PCDHA10: variants seen among roughly 807,000 people sequenced by gnomAD.
The protein encoded by PCDHA10 is protocadherin alpha-10.
A neutral mutation model predicts 61.2 loss-of-function variants in PCDHA10; 45 were observed. The ratio of observed to expected loss-of-function variants is 0.74; its 90% confidence interval spans 0.58 to 0.94. The LOEUF (loss-of-function observed/expected upper bound fraction) is 0.94, where lower values mean the gene tolerates loss of function less well. PCDHA10 is among the 40% of genes least tolerant of loss of function. The pLI, the probability that PCDHA10 is intolerant of heterozygous loss-of-function variation, is 0.00. For synonymous variants in PCDHA10, 602 were observed against 548.8 expected (o/e 1.10, Z -1.35); for missense variants, 1,278 against 1,236.2 (o/e 1.03, Z -0.51).
rs185115696 is a variant in PCDHA10, at chr5:140,899,982, A to G, written c.2388+41546A>G. Among the ~76,000 whole-genome samples the G allele has an allele frequency of 7.7e-3, 1,166 of 150,716 alleles. 5 individuals carry two copies. The highest frequency in any genetic ancestry group is 0.018 in the African/African-American group (738 of 41,016). On this transcript the variant is annotated intron_variant, in intron 1 of 3. Coordinates refer to ENST00000307360, the MANE Select transcript of PCDHA10 (RefSeq NM_018901.4). Reference sequence around the variant, plus strand: ...GCTGCCATGCCCAGCTACTTTTTTGATTTTTTTTGTAGAGATGAGGTCTCA... The same window carrying G: ...GCTGCCATGCCCAGCTACTTTTTTGGTTTTTTTTGTAGAGATGAGGTCTCA...
intron 1 of PCDHA10, chr5:140,928,999 G>C: frequency 1.2e-6 from 2 of 1,613,936 alleles, no homozygotes; most frequent in Non-Finnish European, 1.7e-6. Context: ...ACTTTTCTTC[G>C]TGTGTACCAA....
chr5:140,885,096 A>G (rs2060465078), intron 1 of PCDHA10, among the ~76,000 whole-genome samples: 1 of 152,160 alleles, frequency 6.6e-6, no homozygotes, highest in Non-Finnish European at 1.5e-5. Flanking sequence ...AACTTTTCAC[A>G]TAAATGCTTT....
At chr5:140,892,086 C>T (rs965682257) in intron 1 of PCDHA10, among the ~76,000 whole-genome samples, 1 of 152,156 alleles carries the variant, frequency 6.6e-6, no homozygotes, top group Non-Finnish European at 1.5e-5. Context: ...CTAGTTTCCT[C>T]TCGAAACTTT....
At chr5:140,922,385 C>A (rs1267053151) in intron 1 of PCDHA10, among the ~76,000 whole-genome samples, 5 of 152,156 alleles carry the variant, frequency 3.3e-5, no homozygotes, top group Non-Finnish European at 7.4e-5. Context: ...AAACCAAAGA[C>A]TCCTTGTTTT....
intron 1 of PCDHA10, among the ~76,000 whole-genome samples, chr5:140,962,147 T>C (rs2095660496): frequency 1.3e-5 from 2 of 152,176 alleles, no homozygotes; most frequent in South Asian, 4.1e-4. Context: ...AGTGCTGGGA[T>C]TACAGGCGTG....
At chr5:140,884,977 A>C (rs782168505) in intron 1 of PCDHA10, among the ~76,000 whole-genome samples, 19 of 152,222 alleles carry the variant, frequency 1.2e-4, no homozygotes, top group Admixed American at 5.2e-4. Context: ...GAGAACTTAA[A>C]CATTTAGAAA....
chr5:140,936,941 T>C (rs547536853), intron 1 of PCDHA10, among the ~76,000 whole-genome samples: 14 of 152,342 alleles, frequency 9.2e-5, no homozygotes, highest in Non-Finnish European at 1.3e-4. Flanking sequence ...GAAAATATCT[T>C]ATTTTGATCT....
intron 1 of PCDHA10, chr5:140,967,795 G>A (rs1399903836): frequency 3.1e-6 from 5 of 1,614,068 alleles, no homozygotes; most frequent in Non-Finnish European, 1.7e-6. Context: ...GGGGTCCAGT[G>A]CCCATGGCAG....
At chr5:140,926,584 C>A in intron 1 of PCDHA10, 1 of 285,402 alleles carries the variant, frequency 3.5e-6, no homozygotes, top group Non-Finnish European at 6.4e-6. Context: ...GCACCTCTCG[C>A]GCCCGGGCGG....
chr5:140,902,724 C>T (rs1463381369), intron 1 of PCDHA10, among the ~76,000 whole-genome samples: 6 of 148,640 alleles, frequency 4.0e-5, no homozygotes, highest in Admixed American at 3.3e-4. Context: ...TCCCACCCTT[C>T]CCTCCAAGTC....
chr5:140,982,967 T>C (rs1395576199), intron 3 of PCDHA10, among the ~76,000 whole-genome samples: 1 of 150,996 alleles, frequency 6.6e-6, no homozygotes, highest in Non-Finnish European at 1.5e-5. Flanking sequence ...CCACCCAAAG[T>C]AGTAAGGAAA....
chr5:140,857,552 T>G lies in PCDHA10; in HGVS notation c.1504T>G (p.Ser502Ala), dbSNP rs782203645. 82 of 1,596,700 alleles carry G rather than the reference T, an allele frequency of 5.1e-5. 3 individuals carry two copies. The Middle Eastern group carries it at 9.6e-4, about 19-fold the overall frequency. ...GGTGGAGCGGCGGTTGGGCGAGCGC[T>G]CGCTGTCGAGCTACGTGTCGGTGCA... ...SLVERRLGER[S>A]LSSYVSVHAE... The change falls in exon 1 of 4, where the codon TCG becomes GCG. Residue 502 changes from serine (S) to alanine (A), a missense_variant. Physicochemically the swap from Ser to Ala is moderately conservative, Grantham distance 99. Transcript: ENST00000307360.
intron 1 of PCDHA10, chr5:140,884,056 G>C (rs782776341): frequency 6.2e-7 from 1 of 1,613,476 alleles, no homozygotes; most frequent in African/African-American, 1.3e-5. Context: ...AGGTGCGCGC[G>C]GTGGACGCCG....
rs150518215 is a variant in PCDHA10, at chr5:140,883,444, T to G, written c.2388+25008T>G. On this transcript the variant is annotated intron_variant, in intron 1 of 3. Transcript: ENST00000307360. ...AGGTCACCTGCACCTTGACGCCGCATGTCCCCTTCAAGCTGGTGTCCACCT... is the reference window on the plus strand; with the variant it reads ...AGGTCACCTGCACCTTGACGCCGCAGGTCCCCTTCAAGCTGGTGTCCACCT... The G allele has an allele frequency of 2.5e-6, 4 of 1,614,052 alleles. No individual in the cohort carries two copies. In the African/African-American group the frequency reaches 4.0e-5, roughly 16 times the overall value.
intron 1 of PCDHA10, among the ~76,000 whole-genome samples, chr5:140,912,002 A>T (rs1452427916): frequency 6.6e-6 from 1 of 152,236 alleles, no homozygotes; most frequent in Non-Finnish European, 1.5e-5. Flanking sequence ...ACAATAGGCC[A>T]TCTGCAAGCT....
chr5:140,953,074 C>T (rs929530454), intron 1 of PCDHA10, among the ~76,000 whole-genome samples: 1 of 152,204 alleles, frequency 6.6e-6, no homozygotes, highest in Non-Finnish European at 1.5e-5. Flanking sequence ...CCATCTCCAA[C>T]ATTGGGGATT....
chr5:140,883,557 G>C, intron 1 of PCDHA10: 1 of 1,614,214 alleles, frequency 6.2e-7, no homozygotes, highest in Non-Finnish European at 8.5e-7. Flanking sequence ...GCGCGGGACG[G>C]GGGCTCGCCT....
chr5:140,953,842 T>A (rs1369287853), intron 1 of PCDHA10, among the ~76,000 whole-genome samples: 2 of 152,214 alleles, frequency 1.3e-5, no homozygotes, highest in Non-Finnish European at 2.9e-5. Flanking sequence ...GTTACCCAGG[T>A]AAACATGTGC....
intron 1 of PCDHA10, among the ~76,000 whole-genome samples, chr5:140,874,298 G>T (rs887601408): frequency 1.3e-5 from 2 of 152,114 alleles, no homozygotes; most frequent in African/African-American, 2.4e-5. Context: ...ATGTGTACTT[G>T]TTCACAATGA....
Sources: allele counts gnomAD v4.1 joint callset (sites outside exome capture counted in the v4.1 genomes callset), GRCh38; gene constraint gnomAD v4.1.1; transcripts MANE v1.5; gene names NCBI Gene and HGNC (gene_info 2026-07-23, HGNC 2026-07-21).